NRG1: variants seen among roughly 807,000 people sequenced by gnomAD.
The protein encoded by NRG1 is pro-neuregulin-1, membrane-bound isoform.
Under a neutral mutation model 63.8 loss-of-function variants are expected in NRG1, and 18 were observed. The ratio of observed to expected loss-of-function variants is 0.28; its 90% CI spans 0.19 to 0.42. The LOEUF is 0.42. Ranked by LOEUF, NRG1 falls within the 10% of genes least tolerant of loss-of-function variation. The probability of loss-of-function intolerance (pLI) is 1.00; values close to 1 mark genes in which losing one functional copy is unlikely to be tolerated. For synonymous variants in NRG1, 302 were observed against 301.3 expected (o/e 1.00, Z -0.02); for missense variants, 762 against 814.7 (o/e 0.94, Z 0.79).
intron 1 of NRG1, among the ~76,000 whole-genome samples, chr8:31,678,378 C>T (rs558174698): frequency 6.6e-6 from 1 of 152,192 alleles, no homozygotes; most frequent in Admixed American, 6.6e-5. Flanking sequence ...CCTAATTTCC[C>T]CCCCAACATA....
In NRG1 at chr8:31,912,448, G is replaced by A. The variant is rs139098378; in HGVS notation, c.37+273017G>A. The stretch of plus-strand genomic sequence containing the variant: ...CAGCTGCTCTCAGGGTAAAATCCAC[G>A]GGAGGACTAGGCAGGGTGAGAGAGC... On this transcript the variant is annotated intron_variant, in intron 1 of 10. Transcript: ENST00000519301. Among the ~76,000 whole-genome samples the A allele has an allele frequency of 6.1e-4, 93 of 152,110 alleles. No individual in the cohort carries two copies. The Middle Eastern group carries it at 0.027, about 45-fold the overall frequency.
chr8:32,448,526 T>C (rs1319754397), intron 1 of NRG1, among the ~76,000 whole-genome samples: 1 of 152,180 alleles, frequency 6.6e-6, no homozygotes, highest in Non-Finnish European at 1.5e-5. Context: ...ATCCAAAGTC[T>C]TTGAGTTGTT....
At chr8:32,458,701 T>C (rs757412238) in intron 1 of NRG1, among the ~76,000 whole-genome samples, 3 of 152,212 alleles carry the variant, frequency 2.0e-5, no homozygotes, top group Non-Finnish European at 4.4e-5. Context: ...CCAGCAGTTA[T>C]CTATGTGAAA....
chr8:32,222,468 C>T (rs1162033212), intron 1 of NRG1, among the ~76,000 whole-genome samples: 1 of 151,724 alleles, frequency 6.6e-6, no homozygotes, highest in Non-Finnish European at 1.5e-5. Flanking sequence ...AACTGTTAAC[C>T]CCTAGAAACA....
intron 1 of NRG1, among the ~76,000 whole-genome samples, chr8:31,775,054 T>C (rs190277018): frequency 2.6e-5 from 4 of 151,972 alleles, no homozygotes; most frequent in Admixed American, 6.5e-5. Flanking sequence ...GAGCCAAAAA[T>C]AGAACTACTA....
At position 32,282,679 on chromosome 8, in the gene NRG1, G is replaced by T. The variant is rs533928853; in HGVS notation, c.38-313149G>T. 4.3e-4 allele frequency among the ~76,000 whole-genome samples: 65 copies of T among 152,278 alleles called. 1 individual carries two copies. Among genetic ancestry groups the T allele is most frequent in the Admixed American group, 3.2e-3 (49 of 15,300 alleles). ...AAAAATGTTTTGTCTCATAACCTGG[G>T]ATTTAAGAATCTTCAACAGGTTGCT... On this transcript the variant is annotated intron_variant, in intron 1 of 10. Coordinates refer to the NRG1 transcript ENST00000519301.
intron 1 of NRG1, among the ~76,000 whole-genome samples, chr8:32,490,403 G>A (rs1299961682): frequency 6.6e-6 from 1 of 152,114 alleles, no homozygotes; most frequent in Non-Finnish European, 1.5e-5. Flanking sequence ...ATGCAATTCT[G>A]ATGTGCCCTC....
At chr8:31,784,217 A>G (rs1819965439) in intron 1 of NRG1, among the ~76,000 whole-genome samples, 1 of 152,208 alleles carries the variant, frequency 6.6e-6, no homozygotes, top group South Asian at 2.1e-4. Context: ...GGGTGGAGAA[A>G]ACACAGGTTT....
chr8:32,203,421 C>T (rs2132312847), intron 1 of NRG1, among the ~76,000 whole-genome samples: 1 of 151,718 alleles, frequency 6.6e-6, no homozygotes, highest in East Asian at 1.9e-4. Flanking sequence ...CTCACTTTGT[C>T]TGGAGTGCAG....
intron 1 of NRG1, among the ~76,000 whole-genome samples, chr8:32,189,741 C>A (rs975048852): frequency 3.9e-5 from 6 of 152,260 alleles, no homozygotes; most frequent in Middle Eastern, 3.4e-3. Flanking sequence ...TGCTAACTGG[C>A]CCCCCTGAGT....
chr8:32,400,832 G>A (rs1813085986), intron 1 of NRG1, among the ~76,000 whole-genome samples: 1 of 152,114 alleles, frequency 6.6e-6, no homozygotes, highest in Non-Finnish European at 1.5e-5. Flanking sequence ...GAAGACACCT[G>A]TACACATATG....
chr8:31,876,579 A>C (rs746623040), intron 1 of NRG1, among the ~76,000 whole-genome samples: 1 of 152,226 alleles, frequency 6.6e-6, no homozygotes, highest in Non-Finnish European at 1.5e-5. Context: ...TAACACTATT[A>C]GTTATGGAGT....
intron 1 of NRG1, among the ~76,000 whole-genome samples, chr8:31,936,232 G>C (rs978022609): frequency 6.6e-6 from 1 of 152,178 alleles, no homozygotes; most frequent in East Asian, 1.9e-4. Context: ...AGTATATCGC[G>C]GTGTACAATA....
At chr8:32,171,835 AC>A (rs1840088522) in intron 1 of NRG1, among the ~76,000 whole-genome samples, 1 of 152,116 alleles carries the variant, frequency 6.6e-6, no homozygotes, top group African/African-American at 2.4e-5. Context: ...GAGTAGGTAA[AC>A]AAAGCGGCCA....
At chr8:31,795,960 A>G (rs1821164113) in intron 1 of NRG1, among the ~76,000 whole-genome samples, 1 of 152,152 alleles carries the variant, frequency 6.6e-6, no homozygotes, top group Admixed American at 6.5e-5. Context: ...TATCGTAGAC[A>G]CTCAAGAAAT....
chr8:31,848,523 G>A (rs1473077930), intron 1 of NRG1, among the ~76,000 whole-genome samples: 3 of 143,924 alleles, frequency 2.1e-5, no homozygotes, highest in Non-Finnish European at 4.7e-5. Flanking sequence ...ACCAGTATCA[G>A]TTCACGGTCT....
chr8:32,406,144 G>T (rs1446415758), intron 1 of NRG1, among the ~76,000 whole-genome samples: 1 of 152,020 alleles, frequency 6.6e-6, no homozygotes, highest in Non-Finnish European at 1.5e-5. Context: ...TTCCTTCTTT[G>T]TCAAGCCCCC....
chr8:32,756,965 G>A (rs1379640859), intron 9 of NRG1, among the ~76,000 whole-genome samples: 1 of 152,166 alleles, frequency 6.6e-6, no homozygotes, highest in Non-Finnish European at 1.5e-5. Flanking sequence ...AATTCACAGT[G>A]CCTGATGATT....
At chr8:31,878,060 C>T (rs191599794) in intron 1 of NRG1, among the ~76,000 whole-genome samples, 15 of 152,208 alleles carry the variant, frequency 9.9e-5, no homozygotes, top group Middle Eastern at 6.8e-3. Flanking sequence ...TTTCAGAAAA[C>T]GACCTATCTA....
Sources: gnomAD v4.1 joint callset for allele counts (sites outside exome capture counted in the v4.1 genomes callset) on GRCh38, gnomAD v4.1.1 for gene constraint, MANE v1.5 for transcripts, NCBI Gene and HGNC (gene_info 2026-07-23, HGNC 2026-07-21) for gene names.